The following RPS6KC1 variants were observed in gnomAD, a reference collection of about 807,000 sequenced individuals.
The protein encoded by RPS6KC1 is ribosomal protein S6 kinase C1, also known as inactive ribosomal protein S6 kinase delta-1.
A neutral mutation model predicts 103.8 loss-of-function variants in RPS6KC1; 54 were observed. That is an observed-to-expected ratio of 0.52 (90% CI 0.42 to 0.65). The LOEUF is 0.65. Among genes scored for constraint, RPS6KC1 ranks in the 30% least tolerant of loss-of-function variants. RPS6KC1 has a pLI of 0.00. For missense variants in RPS6KC1, 1,151 were observed against 1,253.8 expected (o/e 0.92, Z 1.24); for synonymous variants, 439 against 438.7 (o/e 1.00, Z -0.01).
At chr1:213,772,315 C>T in the RPS6KC1 span, among the ~76,000 whole-genome samples, 1 of 152,166 alleles carries the variant, frequency 6.6e-6, no homozygotes, top group Non-Finnish European at 1.5e-5. Context: ...GTTGTGGTAA[C>T]CCCAGGTGAC....
the RPS6KC1 span, among the ~76,000 whole-genome samples, chr1:213,369,153 A>G: frequency 1.3e-5 from 2 of 152,212 alleles, no homozygotes; most frequent in African/African-American, 2.4e-5. Context: ...TGCTACAGAT[A>G]AGACCTGAGA....
chr1:213,375,434 G>T, the RPS6KC1 span, among the ~76,000 whole-genome samples: 2 of 152,162 alleles, frequency 1.3e-5, no homozygotes, highest in Non-Finnish European at 2.9e-5. Flanking sequence ...AGTGAATTAA[G>T]GTGGTAGATT....
intron 6 of RPS6KC1, among the ~76,000 whole-genome samples, chr1:213,137,261 A>T (rs1046064136): frequency 6.6e-6 from 1 of 151,874 alleles, no homozygotes; most frequent in African/African-American, 2.4e-5. Context: ...AGGCTTTACC[A>T]AGGCTCTCAC....
At chr1:213,263,224 G>T (rs1459382563) in intron 14 of RPS6KC1, among the ~76,000 whole-genome samples, 3 of 152,104 alleles carry the variant, frequency 2.0e-5, no homozygotes, top group Non-Finnish European at 4.4e-5. Context: ...AGCTACTCAG[G>T]TTGCTTAGGA....
At chr1:213,361,763 G>T in the RPS6KC1 span, among the ~76,000 whole-genome samples, 18 of 152,230 alleles carry the variant, frequency 1.2e-4, no homozygotes, top group South Asian at 2.1e-4. Context: ...CTCCAGGAAT[G>T]AGATCTTTTC....
At chr1:213,244,667 C>G (rs1303901169) in intron 12 of RPS6KC1, among the ~76,000 whole-genome samples, 1 of 152,138 alleles carries the variant, frequency 6.6e-6, no homozygotes, top group Non-Finnish European at 1.5e-5. Flanking sequence ...TCAACAGATA[C>G]ACACTTTCAA....
chr1:213,171,122 T>A (rs568608442), intron 7 of RPS6KC1, among the ~76,000 whole-genome samples: 1 of 152,180 alleles, frequency 6.6e-6, no homozygotes, highest in Non-Finnish European at 1.5e-5. Context: ...TATTGAACTT[T>A]AGAGATCTTT....
chr1:213,610,651 T>TTATAGTCTGGAACACACTC, the RPS6KC1 span, among the ~76,000 whole-genome samples: 1 of 152,194 alleles, frequency 6.6e-6, no homozygotes, highest in African/African-American at 2.4e-5. Flanking sequence ...TGGAAGGTGA[T>TTATAGTCTGGAACACACTC]TATAGTCTGG....
chr1:213,244,209 A>G (rs980876952), intron 12 of RPS6KC1, among the ~76,000 whole-genome samples: 2 of 151,928 alleles, frequency 1.3e-5, no homozygotes, highest in South Asian at 2.1e-4. Flanking sequence ...AAAAAAAAAA[A>G]CCAGATCCTC....
intron 3 of RPS6KC1, among the ~76,000 whole-genome samples, chr1:213,088,888 T>C (rs953457464): frequency 2.0e-5 from 3 of 152,176 alleles, no homozygotes; most frequent in Admixed American, 2.0e-4. Flanking sequence ...ACTTGCTTCC[T>C]CAGTACGTTT....
At chr1:213,802,989 G>A in the RPS6KC1 span, among the ~76,000 whole-genome samples, 15 of 152,076 alleles carry the variant, frequency 9.9e-5, no homozygotes, top group African/African-American at 3.1e-4. Flanking sequence ...ACTGAGTAAC[G>A]GCAACCTAAC....
chr1:213,320,440 C>G, the RPS6KC1 span, among the ~76,000 whole-genome samples: 1 of 152,212 alleles, frequency 6.6e-6, no homozygotes, highest in Non-Finnish European at 1.5e-5. Flanking sequence ...AGCCACATAT[C>G]AGGCACCTGG....
At chr1:213,168,645 C>T (rs559163847) in intron 7 of RPS6KC1, among the ~76,000 whole-genome samples, 20 of 150,628 alleles carry the variant, frequency 1.3e-4, no homozygotes, top group South Asian at 2.1e-4. Context: ...TTTTTTGAAA[C>T]GGAGTCTCAC....
At chr1:213,684,197 G>A in the RPS6KC1 span, among the ~76,000 whole-genome samples, 1 of 152,034 alleles carries the variant, frequency 6.6e-6, no homozygotes, top group Non-Finnish European at 1.5e-5. Flanking sequence ...TTTTCACTTA[G>A]CATTTCAAAA....
chr1:213,533,409 A>C, the RPS6KC1 span, among the ~76,000 whole-genome samples: 1 of 152,212 alleles, frequency 6.6e-6, no homozygotes, highest in African/African-American at 2.4e-5. Context: ...TGCTAGAATC[A>C]ATATGGTACA....
the RPS6KC1 span, among the ~76,000 whole-genome samples, chr1:213,583,224 G>A: frequency 0.14 from 21,231 of 152,158 alleles, 1,602 homozygotes; most frequent in Non-Finnish European, 0.17. Context: ...ATAAACATTC[G>A]TGCACAAATC....
the RPS6KC1 span, among the ~76,000 whole-genome samples, chr1:213,322,604 G>A: frequency 2.0e-5 from 3 of 152,164 alleles, no homozygotes; most frequent in African/African-American, 7.2e-5. Flanking sequence ...GGTCAAAGTC[G>A]TAAAATCAAG....
chr1:213,540,839 A>G, the RPS6KC1 span, among the ~76,000 whole-genome samples: 403 of 152,206 alleles, frequency 2.6e-3, 2 homozygotes, highest in Non-Finnish European at 3.9e-3. Flanking sequence ...GGAATATTCT[A>G]TATCCTTTTT....
chr1:213,594,388 G>A, the RPS6KC1 span, among the ~76,000 whole-genome samples: 4 of 152,104 alleles, frequency 2.6e-5, no homozygotes, highest in African/African-American at 9.6e-5. Context: ...TTGGATAGAG[G>A]GGTAAAATAA....
Sources: gnomAD v4.1 joint callset for allele counts (sites outside exome capture counted in the v4.1 genomes callset) on GRCh38, gnomAD v4.1.1 for gene constraint, MANE v1.5 for transcripts, NCBI Gene and HGNC (gene_info 2026-07-23, HGNC 2026-07-21) for gene names.